SGIP1: variants seen among roughly 807,000 people sequenced by gnomAD.
The protein encoded by SGIP1 is SH3GL interacting endocytic adaptor 1, also known as SH3-containing GRB2-like protein 3-interacting protein 1.
Under a neutral mutation model 107.5 loss-of-function variants are expected in SGIP1, and 38 were observed. That is an observed-to-expected ratio of 0.35 (90% CI 0.27 to 0.46). The LOEUF (loss-of-function observed/expected upper bound fraction) is 0.46, where lower values mean the gene tolerates loss of function less well. SGIP1 is among the 20% of genes least tolerant of loss of function. The probability of loss-of-function intolerance (pLI) is 1.00; values close to 1 mark genes in which losing one functional copy is unlikely to be tolerated. For missense variants in SGIP1, 929 were observed against 1,019.5 expected, an observed-to-expected ratio of 0.91 and a Z score of 1.21; for synonymous variants, 365 against 366.1, an observed-to-expected ratio of 1.00 and a Z score of 0.03.
chr1:66,716,654 C>G (rs1314281540), intron 18 of SGIP1, among the ~76,000 whole-genome samples: 3 of 151,976 alleles, frequency 2.0e-5, no homozygotes, highest in African/African-American at 7.2e-5. Context: ...GTGTTCTAAC[C>G]CCAGTTCCAG....
intron 1 of SGIP1, among the ~76,000 whole-genome samples, chr1:66,607,337 A>G (rs1291965472): frequency 6.6e-6 from 1 of 152,222 alleles, no homozygotes; most frequent in Non-Finnish European, 1.5e-5. Context: ...ATCCTTGCAT[A>G]TGCATTATTT....
chr1:66,689,639 T>A (rs1336286271), intron 16 of SGIP1, among the ~76,000 whole-genome samples: 1 of 152,172 alleles, frequency 6.6e-6, no homozygotes, highest in African/African-American at 2.4e-5. Flanking sequence ...ACAGATGACA[T>A]ATTGATTGTA....
chr1:66,555,824 A>G (rs2058093231), intron 1 of SGIP1, among the ~76,000 whole-genome samples: 1 of 152,142 alleles, frequency 6.6e-6, no homozygotes, highest in Non-Finnish European at 1.5e-5. Context: ...TGCATTATCC[A>G]TACTGTTCCC....
intron 2 of SGIP1, among the ~76,000 whole-genome samples, chr1:66,629,512 G>A (rs573274715): frequency 1.3e-5 from 2 of 152,160 alleles, no homozygotes; most frequent in Non-Finnish European, 2.9e-5. Context: ...CAGTGTCTGT[G>A]CTTTCATCAC....
In SGIP1 at chr1:66,748,091, G is replaced by A. The variant is rs1489714799; in HGVS notation, c.*4996G>A. The A allele has an allele frequency of 2.6e-5, 4 of 151,830 alleles. No homozygotes were observed. Among genetic ancestry groups the A allele is most frequent in the Non-Finnish European group, 2.9e-5 (2 of 67,806 alleles). The allele number at this position is 151,830 out of a possible 1,614,324, so 9.4% of individuals were successfully genotyped here. ...GACCAGCCTCACCATCTTTTACTGT[G>A]TGCACTTTCCTCTTAAGGTTTTATT... On this transcript the variant is annotated 3_prime_UTR_variant, in exon 25 of 25. Coordinates refer to ENST00000371037, the MANE Select transcript of SGIP1 (RefSeq NM_032291.4).
rs2094519063 is a variant in SGIP1 at position 66,743,874 on chromosome 1, A to C, written c.*779A>C. The C allele has an allele frequency of 6.6e-6, 1 of 152,582 alleles. No homozygotes were observed. Among genetic ancestry groups the C allele is most frequent in the Non-Finnish European group, 1.5e-5 (1 of 67,992 alleles). The allele number at this position is 152,582 out of a possible 1,614,324, so 9.5% of individuals were successfully genotyped here. Reference sequence around the variant, plus strand: ...ATTAAATTATAATCAAGAGTAAAGAAGATGTTGAAGTCTTAACTACTTGCC... The same window carrying C: ...ATTAAATTATAATCAAGAGTAAAGACGATGTTGAAGTCTTAACTACTTGCC... On this transcript the variant is annotated 3_prime_UTR_variant, in exon 25 of 25. Coordinates refer to ENST00000371037, the MANE Select transcript of SGIP1 (RefSeq NM_032291.4).
Position 66,738,408 on chromosome 1 carries a change from C to T in SGIP1, c.2032-927C>T, listed in dbSNP as rs907634874. Among the ~76,000 whole-genome samples the T allele has an allele frequency of 3.9e-5, 6 of 152,310 alleles. No individual in the cohort carries two copies. The East Asian group carries it at 5.8e-4, about 15-fold the overall frequency. On this transcript the variant is annotated intron_variant, in intron 21 of 24. Coordinates refer to ENST00000371037, the MANE Select transcript of SGIP1 (RefSeq NM_032291.4). ...ATAGACACCACTCATCTGATCCCTG[C>T]AATGTACATGTACTCATGAGAAGTG...
chr1:66,568,026 T>A (rs542697656), intron 1 of SGIP1, among the ~76,000 whole-genome samples: 1 of 152,320 alleles, frequency 6.6e-6, no homozygotes, highest in African/African-American at 2.4e-5. Flanking sequence ...AGTAGTTTTT[T>A]CTGATTCTGT....
chr1:66,709,303 A>T (rs1245774642), intron 18 of SGIP1, among the ~76,000 whole-genome samples: 1 of 151,370 alleles, frequency 6.6e-6, no homozygotes, highest in Non-Finnish European at 1.5e-5. Context: ...AACATGTAGC[A>T]CTCTGAAAAG....
At chr1:66,668,240 G>A (rs2083022645) in intron 9 of SGIP1, among the ~76,000 whole-genome samples, 1 of 152,042 alleles carries the variant, frequency 6.6e-6, no homozygotes, top group African/African-American at 2.4e-5. Flanking sequence ...GCCCAGGCTG[G>A]AGTGCAGTGG....
intron 1 of SGIP1, among the ~76,000 whole-genome samples, chr1:66,566,036 T>G (rs2148518832): frequency 6.6e-6 from 1 of 152,130 alleles, no homozygotes; most frequent in East Asian, 1.9e-4. Flanking sequence ...TTCAGTTAGA[T>G]TCAACCCAAA....
intron 14 of SGIP1, among the ~76,000 whole-genome samples, chr1:66,680,675 G>A (rs1408605524): frequency 1.3e-5 from 2 of 152,180 alleles, no homozygotes. Flanking sequence ...CACAAATTGT[G>A]TTAGATATAA....
chr1:66,709,316 T>C (rs1207758212), intron 18 of SGIP1, among the ~76,000 whole-genome samples: 2 of 151,898 alleles, frequency 1.3e-5, no homozygotes, highest in African/African-American at 4.8e-5. Flanking sequence ...CTGAAAAGCA[T>C]GTAGCAAGGA....
chr1:66,539,836 G>A (rs762011597), intron 1 of SGIP1, among the ~76,000 whole-genome samples: 68 of 152,132 alleles, frequency 4.5e-4, no homozygotes, highest in Admixed American at 1.3e-4. Context: ...GGGCTACTGA[G>A]TCCATCTCAG....
rs540801080 is a variant in SGIP1, at chr1:66,635,152, A to G, written c.100-792A>G. Among the ~76,000 whole-genome samples the G allele has an allele frequency of 3.3e-5, 5 of 152,354 alleles. 1 individual carries two copies. In the Middle Eastern group the frequency reaches 0.017, roughly 518 times the overall value. ...AATGTACTGTTGTTTATTTAATGCC[A>G]GTTTCTCAAAATCTAACGAAGCTCA... On this transcript the variant is annotated intron_variant, in intron 3 of 24. Coordinates refer to ENST00000371037, the MANE Select transcript of SGIP1 (RefSeq NM_032291.4).
At chr1:66,645,520 C>T (rs889949559) in intron 7 of SGIP1, among the ~76,000 whole-genome samples, 3 of 152,166 alleles carry the variant, frequency 2.0e-5, no homozygotes, top group African/African-American at 4.8e-5. Flanking sequence ...AGAGTGACCT[C>T]GGAGTTACTC....
intron 4 of SGIP1, among the ~76,000 whole-genome samples, chr1:66,638,528 A>T (rs1440369839): frequency 6.6e-6 from 1 of 152,194 alleles, no homozygotes; most frequent in Non-Finnish European, 1.5e-5. Flanking sequence ...TTGTCTGTGG[A>T]GGCATGGCCC....
chr1:66,724,811 G>A (rs568230697), intron 19 of SGIP1, among the ~76,000 whole-genome samples: 1 of 152,186 alleles, frequency 6.6e-6, no homozygotes, highest in South Asian at 2.1e-4. Flanking sequence ...TGAGCAACTT[G>A]GCAAGAAAAC....
intron 4 of SGIP1, among the ~76,000 whole-genome samples, chr1:66,639,424 A>G (rs1340737466): frequency 1.3e-5 from 2 of 152,218 alleles, no homozygotes; most frequent in Non-Finnish European, 2.9e-5. Flanking sequence ...TTTAAAATAC[A>G]TATATACACG....
Sources: allele counts gnomAD v4.1 joint callset (sites outside exome capture counted in the v4.1 genomes callset), GRCh38; gene constraint gnomAD v4.1.1; transcripts MANE v1.5; gene names NCBI Gene and HGNC (gene_info 2026-07-23, HGNC 2026-07-21).